Variants in PAK5 observed in about 807,000 individuals in gnomAD.
PAK5 encodes the protein p21 (RAC1) activated kinase 5.
In PAK5, 16 loss-of-function variants were observed where a neutral mutation model predicts 65.9. The observed-to-expected ratio is 0.24, with a 90% CI of 0.16 to 0.37. PAK5 has a LOEUF of 0.37. Ranked by LOEUF, PAK5 falls within the 10% of genes least tolerant of loss-of-function variation. The pLI, the probability that PAK5 is intolerant of heterozygous loss-of-function variation, is 1.00. For synonymous variants in PAK5, 371 were observed against 354.9 expected (o/e 1.05, Z -0.51); for missense variants, 785 against 903.9 (o/e 0.87, Z 1.69).
chr20:9,727,182 A>G (rs1307744761), intron 1 of PAK5, among the ~76,000 whole-genome samples: 2 of 152,190 alleles, frequency 1.3e-5, no homozygotes, highest in Non-Finnish European at 2.9e-5. Flanking sequence ...GTAGGAAAAC[A>G]TAAATTATTT....
chr20:9,595,263 G>T (rs2046243446), intron 3 of PAK5, among the ~76,000 whole-genome samples: 1 of 152,006 alleles, frequency 6.6e-6, no homozygotes, highest in African/African-American at 2.4e-5. Flanking sequence ...ACAACACCAA[G>T]GGCACCTCTG....
At chr20:9,659,008 A>G (rs556060026) in intron 2 of PAK5, among the ~76,000 whole-genome samples, 2 of 152,288 alleles carry the variant, frequency 1.3e-5, no homozygotes, top group East Asian at 1.9e-4. Flanking sequence ...CCAACAGGTA[A>G]AAAGCCCCCC....
intron 1 of PAK5, among the ~76,000 whole-genome samples, chr20:9,777,874 A>C (rs2048902774): frequency 1.3e-5 from 2 of 152,142 alleles, no homozygotes; most frequent in Admixed American, 6.6e-5. Context: ...ATGTGCAAAC[A>C]GAGGCACAAA....
intron 1 of PAK5, among the ~76,000 whole-genome samples, chr20:9,836,385 G>A (rs1179883529): frequency 6.6e-6 from 1 of 152,106 alleles, no homozygotes; most frequent in Admixed American, 6.5e-5. Context: ...TATGAATGAT[G>A]TCCGTATAAG....
At chr20:9,577,047 T>A (rs997230512) in intron 4 of PAK5, among the ~76,000 whole-genome samples, 7 of 152,206 alleles carry the variant, frequency 4.6e-5, no homozygotes, top group African/African-American at 1.4e-4. Context: ...GCTAGCTTCC[T>A]TCCGTGGAAG....
chr20:9,700,738 G>T (rs1699908535), intron 2 of PAK5, among the ~76,000 whole-genome samples: 1 of 152,092 alleles, frequency 6.6e-6, no homozygotes, highest in South Asian at 2.1e-4. Context: ...TAATCCAATT[G>T]CCAGTGCAGA....
At chr20:9,573,921 G>A (rs1212270048) in intron 4 of PAK5, among the ~76,000 whole-genome samples, 5 of 151,948 alleles carry the variant, frequency 3.3e-5, no homozygotes, top group Non-Finnish European at 7.4e-5. Flanking sequence ...TGCTCATCTC[G>A]AAAATGAAAA....
intron 1 of PAK5, among the ~76,000 whole-genome samples, chr20:9,762,174 G>C (rs2048707313): frequency 6.6e-6 from 1 of 152,120 alleles, no homozygotes; most frequent in Non-Finnish European, 1.5e-5. Flanking sequence ...GAAGAACACA[G>C]AGAAAAAATT....
chr20:9,735,571 T>C (rs1404552091), intron 1 of PAK5, among the ~76,000 whole-genome samples: 1 of 152,082 alleles, frequency 6.6e-6, no homozygotes, highest in Non-Finnish European at 1.5e-5. Flanking sequence ...TAGATGGGAA[T>C]AATTACCCCA....
intron 2 of PAK5, among the ~76,000 whole-genome samples, chr20:9,684,122 A>G (rs2047686568): frequency 6.6e-6 from 1 of 152,182 alleles, no homozygotes; most frequent in East Asian, 1.9e-4. Context: ...GTGTTAAACC[A>G]TTGGGAATTT....
intron 2 of PAK5, among the ~76,000 whole-genome samples, chr20:9,685,267 C>T: frequency 6.6e-6 from 1 of 152,052 alleles, no homozygotes; most frequent in African/African-American, 2.4e-5. Flanking sequence ...GTGGGTTCTT[C>T]TAAAGTTCAT....
At chr20:9,688,157 G>A (rs1020036782) in intron 2 of PAK5, among the ~76,000 whole-genome samples, 1 of 151,956 alleles carries the variant, frequency 6.6e-6, no homozygotes, top group Non-Finnish European at 1.5e-5. Context: ...GGAAACCAAG[G>A]GCAGGTACAG....
At chr20:9,602,017 G>A (rs1233560854) in intron 3 of PAK5, among the ~76,000 whole-genome samples, 2 of 152,140 alleles carry the variant, frequency 1.3e-5, no homozygotes, top group Non-Finnish European at 2.9e-5. Flanking sequence ...TAATACACTG[G>A]TGAACTCGGG....
intron 1 of PAK5, among the ~76,000 whole-genome samples, chr20:9,712,761 T>C (rs879395724): frequency 1.3e-5 from 2 of 152,074 alleles, no homozygotes; most frequent in African/African-American, 2.4e-5. Flanking sequence ...AGAACATACA[T>C]TGAGGAAAGG....
At chr20:9,645,742 G>A (rs1322036543) in intron 2 of PAK5, among the ~76,000 whole-genome samples, 2 of 152,060 alleles carry the variant, frequency 1.3e-5, no homozygotes, top group Non-Finnish European at 2.9e-5. Flanking sequence ...CCTCCACCAT[G>A]CCCAAGCTAA....
chr20:9,615,577 T>TTA (rs1314083910), intron 3 of PAK5, among the ~76,000 whole-genome samples: 1 of 152,248 alleles, frequency 6.6e-6, no homozygotes. Flanking sequence ...GAATCTTGAC[T>TTA]TAGAATAAGT....
chr20:9,833,065 ATTAG>A (rs1978854477), intron 1 of PAK5, among the ~76,000 whole-genome samples: 1 of 152,204 alleles, frequency 6.6e-6, no homozygotes, highest in Non-Finnish European at 1.5e-5. Flanking sequence ...TTCCCCTAAA[ATTAG>A]TTAAATATTT....
At chr20:9,667,329 T>C (rs1375516292) in intron 2 of PAK5, among the ~76,000 whole-genome samples, 1 of 152,122 alleles carries the variant, frequency 6.6e-6, no homozygotes, top group Admixed American at 6.6e-5. Flanking sequence ...GGAATGCCTA[T>C]AGTGACTGTG....
intron 2 of PAK5, among the ~76,000 whole-genome samples, chr20:9,674,250 G>C (rs2047538236): frequency 6.6e-6 from 1 of 151,556 alleles, no homozygotes; most frequent in Admixed American, 6.6e-5. Flanking sequence ...TTCTAACAAT[G>C]ACTCCTCACC....
Sources: allele counts gnomAD v4.1 joint callset (sites outside exome capture counted in the v4.1 genomes callset), GRCh38; gene constraint gnomAD v4.1.1; transcripts MANE v1.5; gene names NCBI Gene and HGNC (gene_info 2026-07-23, HGNC 2026-07-21).